The following DCHS2 variants were observed in gnomAD, a reference collection of about 807,000 sequenced individuals.
DCHS2 encodes the protein dachsous cadherin-related 2, also known as protocadherin-23.
DCHS2 carries 142 observed loss-of-function variants against 182.4 expected under a neutral mutation model. The ratio of observed to expected loss-of-function variants is 0.78; its 90% CI spans 0.68 to 0.89. DCHS2 has a LOEUF of 0.89. DCHS2 is among the 40% of genes least tolerant of loss of function. The probability of loss-of-function intolerance (pLI) is 0.00; values close to 1 mark genes in which losing one functional copy is unlikely to be tolerated. For missense variants in DCHS2, 4,319 were observed against 4,198.6 expected (o/e 1.03, Z -0.79); for synonymous variants, 1,740 against 1,663.3 (o/e 1.05, Z -1.12).
rs758456767 is a variant in DCHS2 at position 154,237,097 on chromosome 4, C to A, written c.7555G>T (p.Val2519Leu). The change falls in exon 20 of 20, where the codon GTG becomes TTG. Residue 2519 changes from valine (V) to leucine (L), a missense_variant. By Grantham distance (32) the Val-to-Leu change is conservative (BLOSUM62 1). Coordinates refer to ENST00000357232, the MANE Select transcript of DCHS2 (RefSeq NM_001358235.2). ...LDTISTTQFL[V>L]EASDGGNPDL... ...GGATTTCCACCATCACTGGCTTCCA[C>A]AAGAAATTGAGTTGTTGATATTGTA... is the stretch of plus-strand genomic sequence containing the variant. 1 of 1,613,588 alleles carries A rather than the reference C, an allele frequency of 6.2e-7. No homozygotes were observed.
At chr4:154,309,065 G>T (rs184162924) in intron 10 of DCHS2, among the ~76,000 whole-genome samples, 15 of 152,258 alleles carry the variant, frequency 9.9e-5, no homozygotes, top group African/African-American at 2.9e-4. Context: ...TCATGGACTT[G>T]CTCCCTTGCT....
In DCHS2 at chr4:154,482,857, A is replaced by G. The variant is rs1176846603; in HGVS notation, c.2052+6447T>C. ...ATGGTGGCAGGCAAAAACACAAGCA[A>G]GTTTTCAGCTACTAGCCTCTACTGA... On this transcript the variant is annotated intron_variant, in intron 1 of 19. Transcript: ENST00000357232. Among the ~76,000 whole-genome samples the G allele has an allele frequency of 2.6e-5, 4 of 152,190 alleles. No individual in the cohort carries two copies. The East Asian group carries it at 7.7e-4, about 29-fold the overall frequency.
At chr4:154,421,439 G>C (rs1392558914) in intron 1 of DCHS2, among the ~76,000 whole-genome samples, 1 of 151,766 alleles carries the variant, frequency 6.6e-6, no homozygotes, top group Admixed American at 6.6e-5. Context: ...CTGTCACCCA[G>C]GCTGGAGTGC....
At chr4:154,272,502 C>T (rs1230448532) in intron 13 of DCHS2, among the ~76,000 whole-genome samples, 1 of 152,048 alleles carries the variant, frequency 6.6e-6, no homozygotes, top group Non-Finnish European at 1.5e-5. Flanking sequence ...CATGGGGGCA[C>T]TTTCCCCATG....
At chr4:154,469,368 G>A (rs1224903673) in intron 1 of DCHS2, among the ~76,000 whole-genome samples, 1 of 151,964 alleles carries the variant, frequency 6.6e-6, no homozygotes, top group Non-Finnish European at 1.5e-5. Flanking sequence ...ATGCAAATTA[G>A]CTTTGAACTT....
At chr4:154,327,449 A>C (rs1462609554) in intron 7 of DCHS2, among the ~76,000 whole-genome samples, 2 of 152,174 alleles carry the variant, frequency 1.3e-5, no homozygotes, top group Non-Finnish European at 2.9e-5. Context: ...GCAGACAATC[A>C]AACTATCTGT....
intron 18 of DCHS2, among the ~76,000 whole-genome samples, chr4:154,239,719 G>A (rs1476676923): frequency 6.6e-6 from 1 of 152,150 alleles, no homozygotes; most frequent in African/African-American, 2.4e-5. Flanking sequence ...ACGTTGGCCA[G>A]GCTGGTCTTG....
Position 154,333,463 on chromosome 4 carries a change from A to G in DCHS2, c.2745T>C (p.Ser915=). 6.2e-7 allele frequency: 1 copy of G among 1,613,574 alleles called. No homozygotes were observed. Among genetic ancestry groups the G allele is most frequent in the Non-Finnish European group, 8.5e-7 (1 of 1,179,696 alleles). ...AGAACTTTCCGCCGAGATCACCAGA[A>G]GAAATCCTGTAAAAGATTGGTTCTG... ...NSSEPIFYRI[S]SGDLGGKFSI... The change falls in exon 5 of 20, where the codon TCT becomes TCC. Residue 915 remains serine, a synonymous_variant. Transcript: ENST00000357232.
chr4:154,349,909 A>G (rs1729529788), intron 3 of DCHS2, among the ~76,000 whole-genome samples: 1 of 152,240 alleles, frequency 6.6e-6, no homozygotes, highest in Non-Finnish European at 1.5e-5. Flanking sequence ...TGAAATGATG[A>G]TAAATAAAAA....
chr4:154,423,512 T>C (rs1232493220), intron 1 of DCHS2, among the ~76,000 whole-genome samples: 1 of 152,148 alleles, frequency 6.6e-6, no homozygotes, highest in Non-Finnish European at 1.5e-5. Context: ...AGAGAGGTGA[T>C]CAAAAATGAT....
chr4:154,427,653 G>A (rs996641949), intron 1 of DCHS2, among the ~76,000 whole-genome samples: 2 of 152,170 alleles, frequency 1.3e-5, no homozygotes, highest in African/African-American at 4.8e-5. Context: ...TAGTCTTATT[G>A]AAGTAAAAGG....
At chr4:154,423,722 G>A (rs1044604493) in intron 1 of DCHS2, among the ~76,000 whole-genome samples, 1 of 152,126 alleles carries the variant, frequency 6.6e-6, no homozygotes, top group Non-Finnish European at 1.5e-5. Flanking sequence ...TCAAATTTAT[G>A]TTATACAACT....
intron 13 of DCHS2, chr4:154,284,448 CA>C (rs1734296688): frequency 6.6e-6 from 1 of 152,220 alleles, no homozygotes; most frequent in Non-Finnish European, 1.5e-5. Flanking sequence ...GGTGAGCAAT[CA>C]CAGTACCTGG....
intron 1 of DCHS2, among the ~76,000 whole-genome samples, chr4:154,476,563 T>C (rs1394119549): frequency 2.0e-5 from 3 of 152,238 alleles, no homozygotes; most frequent in African/African-American, 2.4e-5. Flanking sequence ...GTTCTTCAAG[T>C]AATCAACACT....
intron 1 of DCHS2, among the ~76,000 whole-genome samples, chr4:154,474,481 G>A (rs1343105091): frequency 6.6e-6 from 1 of 152,154 alleles, no homozygotes; most frequent in Non-Finnish European, 1.5e-5. Context: ...GATCTGAAGG[G>A]CACCTCCATC....
At chr4:154,283,469 AAG>A (rs1554002208) in intron 13 of DCHS2, among the ~76,000 whole-genome samples, 1 of 151,910 alleles carries the variant, frequency 6.6e-6, no homozygotes, top group Non-Finnish European at 1.5e-5. Context: ...AAAAAAAAAA[AAG>A]ATGTGCAGAT....
intron 1 of DCHS2, among the ~76,000 whole-genome samples, chr4:154,412,159 G>GAA (rs140384608): frequency 6.6e-6 from 1 of 152,040 alleles, no homozygotes; most frequent in East Asian, 1.9e-4. Flanking sequence ...AAGAGAGAGA[G>GAA]AAAAAAAGCA....
rs1728799664 is a variant in DCHS2 at position 154,490,815 on chromosome 4, G to T, written c.541C>A (p.Pro181Thr). ...SLQLDVSELS[P>T]PGTAFRLPVA... ...GGCAGGCGGAAGGCGGTCCCTGGCG[G>T]GCTGAGCTCGGAGACGTCGAGTTGC... The change falls in exon 1 of 20, where the codon CCG becomes ACG. Residue 181 changes from proline (P) to threonine (T), a missense_variant. Physicochemically the swap from Pro to Thr is conservative, Grantham distance 38. Coordinates refer to ENST00000357232, the MANE Select transcript of DCHS2 (RefSeq NM_001358235.2). 6.4e-7 allele frequency: 1 copy of T among 1,551,448 alleles called. No individual in the cohort carries two copies. The highest frequency in any genetic ancestry group is 2.0e-5 in the Admixed American group (1 of 50,986).
rs1448547974 is a variant in DCHS2, at chr4:154,489,668, G to T, written c.1688C>A (p.Ala563Asp). 1 of 1,551,648 alleles carries T rather than the reference G, an allele frequency of 6.4e-7. No individual in the cohort carries two copies. The change falls in exon 1 of 20, where the codon GCC becomes GAC. Residue 563 changes from alanine to aspartate, a missense_variant. Transcript: ENST00000357232. ...APGTVVMWVS[A>D]SDADEAGSDH... ...ACTGCCTGCCTCGTCGGCATCGGAG[G>T]CGCTGACCCACATGACTACAGTGCC...
Sources: gnomAD v4.1 joint callset for allele counts (sites outside exome capture counted in the v4.1 genomes callset) on GRCh38, gnomAD v4.1.1 for gene constraint, MANE v1.5 for transcripts, NCBI Gene and HGNC (gene_info 2026-07-23, HGNC 2026-07-21) for gene names.